Variants in KIF13A observed in about 807,000 individuals in gnomAD.
The protein encoded by KIF13A is kinesin-like protein KIF13A.
KIF13A carries 79 observed loss-of-function variants against 212.2 expected under a neutral mutation model. That is an observed-to-expected ratio of 0.37 (90% CI 0.31 to 0.45). The LOEUF (loss-of-function observed/expected upper bound fraction) is 0.45. Ranked by LOEUF, KIF13A falls within the 20% of genes least tolerant of loss-of-function variation. KIF13A has a pLI of 1.00. For synonymous variants in KIF13A, 789 were observed against 808.6 expected (o/e 0.98, Z 0.41); for missense variants, 1,901 against 2,209.0 (o/e 0.86, Z 2.79).
At position 17,843,620 on chromosome 6, in the gene KIF13A, T is replaced by C. The variant is rs561118267; in HGVS notation, c.830+5757A>G. On this transcript the variant is annotated intron_variant, in intron 9 of 38. Coordinates refer to ENST00000259711, the MANE Select transcript of KIF13A (RefSeq NM_022113.6). This position sits in a 1 kb window ranked among gnomAD's most constrained non-coding sequence, Gnocchi z 5.3. ...TGACATGAACACACATTAAAGTTAG[T>C]AGAGCTGTGTGCATTTCTGAGGTGC... is the stretch of plus-strand genomic sequence containing the variant. Among the ~76,000 whole-genome samples the C allele has an allele frequency of 2.6e-5, 4 of 152,328 alleles. No individual in the cohort carries two copies. In the South Asian group the frequency reaches 8.3e-4, roughly 32 times the overall value.
In KIF13A at chr6:17,873,738, C is replaced by T. The variant is rs149600869; in HGVS notation, c.160-301G>A. On this transcript the variant is annotated intron_variant, in intron 3 of 38. Coordinates refer to ENST00000259711, the MANE Select transcript of KIF13A (RefSeq NM_022113.6). ...GAGTAGCTAGGACCACCAGTGCATGCCACCATATCGAGCAATTAAAAAAAA... is the reference window on the plus strand; with the variant it reads ...GAGTAGCTAGGACCACCAGTGCATGTCACCATATCGAGCAATTAAAAAAAA... Among the ~76,000 whole-genome samples the T allele has an allele frequency of 5.7e-3, 871 of 152,094 alleles. 7 individuals are homozygous for T. Among genetic ancestry groups the T allele is most frequent in the African/African-American group, 0.02 (820 of 41,480 alleles).
chr6:17,855,332 A>G lies in KIF13A; in HGVS notation c.494+105T>C, dbSNP rs1179248567. ...TCTGTAAATGAATGAAAACCAGTGT[A>G]GTCACCAAGAGCTTAAATACGTATA... On this transcript the variant is annotated intron_variant, in intron 6 of 38. Coordinates refer to ENST00000259711, the MANE Select transcript of KIF13A (RefSeq NM_022113.6). This position sits in a 1 kb window ranked among gnomAD's most constrained non-coding sequence, Gnocchi z 4.1. The G allele has an allele frequency of 2.4e-6, 2 of 817,212 alleles. No homozygotes were observed. Among genetic ancestry groups the G allele is most frequent in the Non-Finnish European group, 3.8e-6 (2 of 524,916 alleles). 50.6% of individuals were successfully genotyped at this position (817,212 alleles called of 1,614,324 possible). A position where few individuals can be genotyped will look rare whatever the true frequency, so the allele number is the denominator to read the frequency against.
intron 23 of KIF13A, among the ~76,000 whole-genome samples, chr6:17,796,355 C>T (rs910234370): frequency 1.3e-5 from 2 of 150,348 alleles, no homozygotes; most frequent in African/African-American, 2.4e-5. Context: ...TAAATAAATC[C>T]TGCCTCAGCC....
chr6:17,983,248 G>A (rs1451217129), intron 2 of KIF13A, among the ~76,000 whole-genome samples: 1 of 151,300 alleles, frequency 6.6e-6, no homozygotes, highest in Non-Finnish European at 1.5e-5. Context: ...GTATATAGTT[G>A]TATTAAAAAT....
chr6:17,985,489 G>C (rs1423662932), intron 2 of KIF13A, among the ~76,000 whole-genome samples: 1 of 152,108 alleles, frequency 6.6e-6, no homozygotes. Flanking sequence ...ATGGTTAAGA[G>C]TGACAAGGAG....
chr6:17,874,188 G>A (rs534489087), intron 3 of KIF13A, among the ~76,000 whole-genome samples: 14 of 151,846 alleles, frequency 9.2e-5, no homozygotes, highest in Non-Finnish European at 1.8e-4. Flanking sequence ...GTAGCATACT[G>A]AAGTTCAAAA....
rs1192443442 is a variant in KIF13A at position 17,764,084 on chromosome 6, T to C, written c.*26A>G. On this transcript the variant is annotated 3_prime_UTR_variant, in exon 39 of 39. Coordinates refer to ENST00000259711, the MANE Select transcript of KIF13A (RefSeq NM_022113.6). The surrounding 1 kb of genome is among the most constrained non-coding windows in gnomAD (Gnocchi z 5.1). ...CCAAGTTGTTGCGGTGAAGGGCCTC[T>C]GGGGTTGACATACAGTTAGACATAC... is the stretch of plus-strand genomic sequence containing the variant. 6.2e-7 allele frequency: 1 copy of C among 1,600,776 alleles called. No individual in the cohort carries two copies. Among genetic ancestry groups the C allele is most frequent in the East Asian group, 2.2e-5 (1 of 44,676 alleles).
intron 20 of KIF13A, among the ~76,000 whole-genome samples, chr6:17,803,683 C>T (rs1212789227): frequency 6.6e-6 from 1 of 152,008 alleles, no homozygotes; most frequent in Non-Finnish European, 1.5e-5. Flanking sequence ...CTTACAAAGA[C>T]CATTTAGGGG....
chr6:17,787,994 A>C lies in KIF13A; in HGVS notation c.3262-119T>G. On this transcript the variant is annotated intron_variant, in intron 26 of 38. Coordinates refer to ENST00000259711, the MANE Select transcript of KIF13A (RefSeq NM_022113.6). This position sits in a 1 kb window ranked among gnomAD's most constrained non-coding sequence, Gnocchi z 4.6. ...ATTTTTCATTAGGAAAAGCTGTTGA[A>C]CATTGCTGTGTGATTAATATGCAAG... 1.5e-6 allele frequency: 1 copy of C among 670,234 alleles called. No individual in the cohort carries two copies. Among genetic ancestry groups the C allele is most frequent in the Non-Finnish European group, 2.7e-6 (1 of 375,004 alleles). The allele number at this position is 670,234 out of a possible 1,614,324, so 41.5% of individuals were successfully genotyped here.
At chr6:17,802,509 C>T (rs1022558868) in intron 20 of KIF13A, among the ~76,000 whole-genome samples, 2 of 151,866 alleles carry the variant, frequency 1.3e-5, no homozygotes, top group Admixed American at 6.6e-5. Context: ...AGGCTGGTCT[C>T]GAACACCGGA....
At position 17,843,259 on chromosome 6, in the gene KIF13A, C is replaced by G. The variant is rs1331555693; in HGVS notation, c.831-5676G>C. ...AACATGGACCTCTGTTTAAAAAGGA[C>G]TAATTCAATGATGGTTTTGGGATAC... On this transcript the variant is annotated intron_variant, in intron 9 of 38. Transcript: ENST00000259711. The surrounding 1 kb of genome is among the most constrained non-coding windows in gnomAD (Gnocchi z 5.3). 1.3e-5 allele frequency among the ~76,000 whole-genome samples: 2 copies of G among 152,186 alleles called. No individual in the cohort carries two copies. The highest frequency in any genetic ancestry group is 4.8e-5 in the African/African-American group (2 of 41,442).
intron 9 of KIF13A, among the ~76,000 whole-genome samples, chr6:17,847,013 C>G (rs982527162): frequency 6.6e-6 from 1 of 152,116 alleles, no homozygotes. Context: ...GATAACGGAC[C>G]CATGCCTTGA....
chr6:17,844,044 CAA>C (rs35763673), intron 9 of KIF13A, among the ~76,000 whole-genome samples: 26,988 of 114,768 alleles, frequency 0.24, 2,479 homozygotes, highest in South Asian at 0.37. Context: ...GACTCCATCT[CAA>C]AAAAAAAAAA....
At chr6:17,938,092 A>G (rs1320039379) in intron 2 of KIF13A, among the ~76,000 whole-genome samples, 2 of 151,724 alleles carry the variant, frequency 1.3e-5, no homozygotes, top group Non-Finnish European at 2.9e-5. Context: ...ATGGGGACTC[A>G]CTATGTTGCC....
At chr6:17,803,253 A>C (rs999741409) in intron 20 of KIF13A, among the ~76,000 whole-genome samples, 6 of 151,706 alleles carry the variant, frequency 4.0e-5, no homozygotes, top group African/African-American at 1.4e-4. Flanking sequence ...TCAATTTTTA[A>C]ATTTCTTTTT....
At chr6:17,882,451 T>G (rs927317222) in intron 3 of KIF13A, among the ~76,000 whole-genome samples, 5 of 152,226 alleles carry the variant, frequency 3.3e-5, no homozygotes, top group African/African-American at 1.2e-4. Flanking sequence ...TAATTTAATT[T>G]TATGTAAAGA....
rs73723271 is a variant in KIF13A at position 17,895,379 on chromosome 6, T to C, written c.159+2789A>G. ...TTTTTAAAACAGTTTGTGGAATCAC[T>C]AAAGACTTAGGATTTCATTTACTTC... On this transcript the variant is annotated intron_variant, in intron 3 of 38. Transcript: ENST00000259711. This position sits in a 1 kb window ranked among gnomAD's most constrained non-coding sequence, Gnocchi z 4.4. Among the ~76,000 whole-genome samples, 4,022 of 152,322 alleles carry C rather than the reference T, an allele frequency of 0.026. 192 individuals are homozygous for C. Among genetic ancestry groups the C allele is most frequent in the African/African-American group, 0.091 (3,786 of 41,562 alleles).
chr6:17,917,351 G>C (rs540342690), intron 2 of KIF13A, among the ~76,000 whole-genome samples: 1 of 144,918 alleles, frequency 6.9e-6, no homozygotes, highest in Non-Finnish European at 1.5e-5. Flanking sequence ...AGCGATTCTT[G>C]TGCCTCAACC....
At chr6:17,868,068 T>C (rs1404682004) in intron 4 of KIF13A, among the ~76,000 whole-genome samples, 6 of 152,232 alleles carry the variant, frequency 3.9e-5, no homozygotes, top group Admixed American at 3.9e-4. Flanking sequence ...GCATTAACAA[T>C]GCTCGAAGAC....
Sources: gnomAD v4.1 joint callset for allele counts (sites outside exome capture counted in the v4.1 genomes callset) on GRCh38, gnomAD v4.1.1 for gene constraint, Gnocchi (gnomAD v3.1) non-coding constraint, MANE v1.5 for transcripts, NCBI Gene and HGNC (gene_info 2026-07-23, HGNC 2026-07-21) for gene names.